Variants in SH3BP4 observed in about 807,000 individuals in gnomAD.
SH3BP4 encodes SH3 domain-binding protein 4.
Under a neutral mutation model 65.5 loss-of-function variants are expected in SH3BP4, and 33 were observed. The observed-to-expected ratio is 0.50, with a 90% CI of 0.38 to 0.67. The LOEUF (loss-of-function observed/expected upper bound fraction) is 0.67. SH3BP4 is among the 30% of genes least tolerant of loss of function. The probability of loss-of-function intolerance (pLI) is 0.00; values close to 1 mark genes in which losing one functional copy is unlikely to be tolerated. For missense variants in SH3BP4, 1,134 were observed against 1,261.4 expected (o/e 0.90, Z 1.53); for synonymous variants, 552 against 545.5 (o/e 1.01, Z -0.17).
chr2:234,991,941 T>C lies in SH3BP4; in HGVS notation c.-206-3362T>C, dbSNP rs1693759789. ...TCAGGGCAGCTGGGTCCCCCCATAC[T>C]TAGGCATGAGGTATGAGTTTACCCA... is the stretch of plus-strand genomic sequence containing the variant. On this transcript the variant is annotated intron_variant, in intron 1 of 5. Coordinates refer to ENST00000392011, the MANE Select transcript of SH3BP4 (RefSeq NM_014521.3). The surrounding 1 kb of genome is among the most constrained non-coding windows in gnomAD (Gnocchi z 4.2). 6.6e-6 allele frequency among the ~76,000 whole-genome samples: 1 copy of C among 152,170 alleles called. No homozygotes were observed. The highest frequency in any genetic ancestry group is 2.4e-5 in the African/African-American group (1 of 41,448).
At chr2:234,957,837 A>G (rs1417663300) in intron 1 of SH3BP4, among the ~76,000 whole-genome samples, 4 of 152,044 alleles carry the variant, frequency 2.6e-5, no homozygotes, top group Non-Finnish European at 5.9e-5. Context: ...TTTGAGCCCA[A>G]GGAGGTGAGA....
chr2:235,028,540 C>T (rs1303005094), intron 2 of SH3BP4, among the ~76,000 whole-genome samples: 2 of 152,212 alleles, frequency 1.3e-5, no homozygotes, highest in East Asian at 3.9e-4. Flanking sequence ...CTGAAACAGT[C>T]ATCTTTGTTG....
At chr2:235,047,015 G>A (rs1244025228) in intron 4 of SH3BP4, among the ~76,000 whole-genome samples, 1 of 152,166 alleles carries the variant, frequency 6.6e-6, no homozygotes, top group African/African-American at 2.4e-5. Context: ...CCGTGATGGT[G>A]TCAGCTGAAG....
chr2:235,046,666 A>T lies in SH3BP4; in HGVS notation c.2478+3419A>T, dbSNP rs1364695972. Among the ~76,000 whole-genome samples, 2 of 152,124 alleles carry T rather than the reference A, an allele frequency of 1.3e-5. No individual in the cohort carries two copies. Among genetic ancestry groups the T allele is most frequent in the African/African-American group, 2.4e-5 (1 of 41,428 alleles). On this transcript the variant is annotated intron_variant, in intron 4 of 5. Coordinates refer to ENST00000392011, the MANE Select transcript of SH3BP4 (RefSeq NM_014521.3). The surrounding 1 kb of genome is among the most constrained non-coding windows in gnomAD (Gnocchi z 4.2). Reference sequence around the variant, plus strand: ...TCTAACTGAACATAGGTCCCATGAGAGGAAGGGCCCCGGCACATAAGAATC... The same window carrying T: ...TCTAACTGAACATAGGTCCCATGAGTGGAAGGGCCCCGGCACATAAGAATC...
intron 3 of SH3BP4, 43 bp from the exon 4 acceptor site, chr2:235,040,845 C>T: frequency 6.4e-7 from 1 of 1,562,128 alleles, no homozygotes. Flanking sequence ...GGACACCCCG[C>T]CGGCCTTGCC....
intron 2 of SH3BP4, among the ~76,000 whole-genome samples, chr2:235,029,353 C>A: frequency 6.6e-6 from 1 of 152,150 alleles, no homozygotes; most frequent in Non-Finnish European, 1.5e-5. Flanking sequence ...CCAGGAAATT[C>A]AAGATGCACC....
At chr2:235,032,940 G>C (rs1695252910) in intron 2 of SH3BP4, among the ~76,000 whole-genome samples, 1 of 152,230 alleles carries the variant, frequency 6.6e-6, no homozygotes, top group Admixed American at 6.5e-5. Flanking sequence ...GGAAACATCT[G>C]TGACCACCCA....
chr2:235,040,963 A>G lies in SH3BP4; in HGVS notation c.194A>G (p.Asp65Gly), dbSNP rs763271898. Residue 65 changes from aspartate (D) to glycine (G), a missense_variant, in exon 4 of 6, where the codon GAC becomes GGC. Coordinates refer to ENST00000392011, the MANE Select transcript of SH3BP4 (RefSeq NM_014521.3). ...GNAKEVIAIK[D>G]YCPTNFTTLK... ...GCAAAGGAAGTGATTGCGATCAAGG[A>G]CTATTGCCCCACCAACTTCACCACA... 1 of 1,614,176 alleles carries G rather than the reference A, an allele frequency of 6.2e-7. No homozygotes were observed. Among genetic ancestry groups the G allele is most frequent in the Non-Finnish European group, 8.5e-7 (1 of 1,180,028 alleles).
chr2:234,955,375 A>G (rs1692563000), intron 1 of SH3BP4, among the ~76,000 whole-genome samples: 1 of 152,102 alleles, frequency 6.6e-6, no homozygotes. Flanking sequence ...GCAGTGACAG[A>G]AAAACAATTC....
At chr2:235,006,638 C>T (rs1169849886) in intron 2 of SH3BP4, among the ~76,000 whole-genome samples, 2 of 152,136 alleles carry the variant, frequency 1.3e-5, no homozygotes, top group African/African-American at 4.8e-5. Flanking sequence ...CAGGGGCCAC[C>T]CAGCCTAGAT....
Position 235,052,466 on chromosome 2 carries a change from C to A in SH3BP4, c.2479-96C>A. ...CAGGGAACATGGAGAATAGAGAGCC[C>A]ATGGCCATTCCTGCGCCGTCTGCTG... On this transcript the variant is annotated intron_variant, in intron 4 of 5. Coordinates refer to ENST00000392011, the MANE Select transcript of SH3BP4 (RefSeq NM_014521.3). This position sits in a 1 kb window ranked among gnomAD's most constrained non-coding sequence, Gnocchi z 5.0. 1.1e-6 allele frequency: 1 copy of A among 926,138 alleles called. No individual in the cohort carries two copies. Among genetic ancestry groups the A allele is most frequent in the Non-Finnish European group, 1.6e-6 (1 of 634,382 alleles). 57.4% of individuals were successfully genotyped at this position (926,138 alleles called of 1,614,324 possible). A position where few individuals can be genotyped will look rare whatever the true frequency, so the allele number is the denominator to read the frequency against.
Position 235,053,908 on chromosome 2 carries a change from G to C in SH3BP4, c.*92G>C. The C allele has an allele frequency of 7.6e-6, 8 of 1,046,274 alleles. No homozygotes were observed. Among genetic ancestry groups the C allele is most frequent in the Non-Finnish European group, 1.2e-5 (8 of 693,414 alleles). 64.8% of individuals were successfully genotyped at this position (1,046,274 alleles called of 1,614,324 possible). ...ACCGCGGAGCTGAAGAGGGAGGAAG[G>C]GGCGGCTGCTCAGACAGATTTAGGG... On this transcript the variant is annotated 3_prime_UTR_variant, in exon 6 of 6. Transcript: ENST00000392011.
intron 2 of SH3BP4, among the ~76,000 whole-genome samples, chr2:235,019,074 C>T (rs1284048937): frequency 6.6e-6 from 1 of 152,146 alleles, no homozygotes; most frequent in Non-Finnish European, 1.5e-5. Context: ...CCGTTGTGCA[C>T]CAGGAAGGAG....
chr2:235,024,452 C>T (rs953652236), intron 2 of SH3BP4, among the ~76,000 whole-genome samples: 1 of 152,112 alleles, frequency 6.6e-6, no homozygotes, highest in African/African-American at 2.4e-5. Flanking sequence ...CTTCAGGGCT[C>T]CACTCACGTC....
chr2:235,018,650 G>A (rs1052385740), intron 2 of SH3BP4, among the ~76,000 whole-genome samples: 1 of 152,188 alleles, frequency 6.6e-6, no homozygotes, highest in African/African-American at 2.4e-5. Flanking sequence ...CTGGGAGAAA[G>A]GGAGGCAGGA....
chr2:234,996,233 GT>G (rs1379402601), intron 2 of SH3BP4, among the ~76,000 whole-genome samples: 7 of 152,214 alleles, frequency 4.6e-5, no homozygotes, highest in Non-Finnish European at 8.8e-5. Context: ...GCAGCTCACA[GT>G]GGGATTCCTT....
At chr2:235,038,381 A>T (rs1210101240) in intron 3 of SH3BP4, among the ~76,000 whole-genome samples, 1,270 of 40,248 alleles carry the variant, frequency 0.032, 67 homozygotes, top group Non-Finnish European at 0.045. Context: ...ATATACATAT[A>T]TATATATATA....
At position 235,013,297 on chromosome 2, in the gene SH3BP4, G is replaced by A. The variant is rs144071720; in HGVS notation, c.-133+17921G>A. 8.1e-4 allele frequency among the ~76,000 whole-genome samples: 124 copies of A among 152,190 alleles called. No homozygotes were observed. In the Middle Eastern group the frequency reaches 0.014, roughly 17 times the overall value. ...CCCTTCTGTGCAGAAGGTCCAGCCC[G>A]TGTTCCCCACAATCACGCAGGAACC... On this transcript the variant is annotated intron_variant, in intron 2 of 5. Transcript: ENST00000392011.
intron 2 of SH3BP4, among the ~76,000 whole-genome samples, chr2:235,011,902 T>C (rs1694520930): frequency 2.6e-5 from 4 of 152,196 alleles, no homozygotes; most frequent in Admixed American, 2.6e-4. Flanking sequence ...CGGTTGCTGC[T>C]GCATTCCAGG....
Sources: gnomAD v4.1 joint callset for allele counts (sites outside exome capture counted in the v4.1 genomes callset) on GRCh38, gnomAD v4.1.1 for gene constraint, Gnocchi (gnomAD v3.1) non-coding constraint, MANE v1.5 for transcripts, NCBI Gene and HGNC (gene_info 2026-07-23, HGNC 2026-07-21) for gene names.